GALNT17: variants seen among roughly 807,000 people sequenced by gnomAD.
GALNT17 encodes the protein polypeptide N-acetylgalactosaminyltransferase 17.
GALNT17 carries 29 observed loss-of-function variants against 63.7 expected under a neutral mutation model. That is an observed-to-expected ratio of 0.46 (90% CI 0.34 to 0.62). The LOEUF (loss-of-function observed/expected upper bound fraction) is 0.62. Ranked by LOEUF, GALNT17 falls within the 20% of genes least tolerant of loss-of-function variation. GALNT17 has a pLI of 0.01. For synonymous variants in GALNT17, 305 were observed against 318.3 expected (o/e 0.96, Z 0.45); for missense variants, 603 against 799.6 (o/e 0.75, Z 2.97).
intron 6 of GALNT17, among the ~76,000 whole-genome samples, chr7:71,627,089 T>G (rs2116981848): frequency 6.6e-6 from 1 of 152,334 alleles, no homozygotes. Context: ...TCATGGGTTG[T>G]CATAGGTCTT....
intron 2 of GALNT17, among the ~76,000 whole-genome samples, chr7:71,354,986 A>T (rs1792258576): frequency 6.6e-6 from 1 of 152,130 alleles, no homozygotes; most frequent in African/African-American, 2.4e-5. Context: ...TTGTATAGGG[A>T]TCTGCAAATG....
chr7:71,513,870 G>A (rs1043983492), intron 5 of GALNT17, among the ~76,000 whole-genome samples: 1 of 152,132 alleles, frequency 6.6e-6, no homozygotes, highest in African/African-American at 2.4e-5. Flanking sequence ...AGGTCTGGTT[G>A]GGAAAACAGA....
At position 71,139,714 on chromosome 7, in the gene GALNT17, C is replaced by T. The variant is rs930123168; in HGVS notation, c.238+6674C>T. On this transcript the variant is annotated intron_variant, in intron 1 of 10. Transcript: ENST00000333538. Reference sequence around the variant, plus strand: ...GAGTCAGAAAGAGAGGAATGGTGGCCGGGCACGGTGGCTCAAGCCTGTAAT... The same window carrying T: ...GAGTCAGAAAGAGAGGAATGGTGGCTGGGCACGGTGGCTCAAGCCTGTAAT... Among the ~76,000 whole-genome samples, 6 of 151,998 alleles carry T rather than the reference C, an allele frequency of 3.9e-5. No individual in the cohort carries two copies. In the South Asian group the frequency reaches 8.3e-4, roughly 21 times the overall value.
intron 1 of GALNT17, among the ~76,000 whole-genome samples, chr7:71,281,430 G>A (rs1790775363): frequency 6.6e-6 from 1 of 152,270 alleles, no homozygotes; most frequent in Non-Finnish European, 1.5e-5. Flanking sequence ...CCCATTTCCT[G>A]GAATCTGCAA....
intron 1 of GALNT17, chr7:71,300,700 A>G (rs1039202890): frequency 4.3e-5 from 11 of 256,228 alleles, no homozygotes; most frequent in South Asian, 2.5e-4. Flanking sequence ...GGAAGCAGAG[A>G]AAAGGGATTT....
chr7:71,568,851 T>C (rs766606187), intron 5 of GALNT17, among the ~76,000 whole-genome samples: 1 of 152,216 alleles, frequency 6.6e-6, no homozygotes, highest in Non-Finnish European at 1.5e-5. Context: ...TAATTTACAA[T>C]GCATGGTCCC....
chr7:71,267,576 T>C (rs935441085), intron 1 of GALNT17, among the ~76,000 whole-genome samples: 2 of 152,208 alleles, frequency 1.3e-5, no homozygotes, highest in Non-Finnish European at 2.9e-5. Flanking sequence ...TCGGTAAATA[T>C]CTGTTGCGCT....
chr7:71,585,680 T>C (rs1443248411), intron 6 of GALNT17, among the ~76,000 whole-genome samples: 1 of 152,094 alleles, frequency 6.6e-6, no homozygotes, highest in African/African-American at 2.4e-5. Context: ...TCATTATTCA[T>C]TTTTTGCCCA....
chr7:71,221,249 C>G (rs969430321), intron 1 of GALNT17, among the ~76,000 whole-genome samples: 33 of 152,304 alleles, frequency 2.2e-4, no homozygotes, highest in African/African-American at 7.5e-4. Context: ...CATGTTCCCA[C>G]AAAAGACAGG....
rs915303112 is a variant in GALNT17 at position 71,409,317 on chromosome 7, C to G, written c.590-6572C>G. ...CAGGGGGGTAAATGCTAAGCCAGAG[C>G]CACCCAATATGCACTTAGCAGACCA... On this transcript the variant is annotated intron_variant, in intron 3 of 10. Transcript: ENST00000333538. Among the ~76,000 whole-genome samples, 12 of 152,230 alleles carry G rather than the reference C, an allele frequency of 7.9e-5. No individual in the cohort carries two copies. In the East Asian group the frequency reaches 2.1e-3, roughly 27 times the overall value.
chr7:71,644,546 A>AAAAC (rs1554318998), intron 6 of GALNT17, among the ~76,000 whole-genome samples: 6,136 of 99,678 alleles, frequency 0.062, 110 homozygotes, highest in African/African-American at 0.079. Flanking sequence ...AAAAAAAAAA[A>AAAAC]AAACAAAAGA....
chr7:71,543,659 TTGTTATCTTACAAGCA>T (rs1788930133), intron 5 of GALNT17, among the ~76,000 whole-genome samples: 1 of 151,460 alleles, frequency 6.6e-6, no homozygotes, highest in African/African-American at 2.4e-5. Context: ...TCAGCCAGTT[TTGTTATCTTACAAGCA>T]GAGGGAGTTG....
At chr7:71,397,941 T>TTTG (rs111851668) in intron 3 of GALNT17, among the ~76,000 whole-genome samples, 5,349 of 150,772 alleles carry the variant, frequency 0.035, 205 homozygotes, top group African/African-American at 0.096. Flanking sequence ...CATTATTGTC[T>TTTG]TTGTTGTTGT....
chr7:71,436,364 A>C (rs1786963298), intron 5 of GALNT17, among the ~76,000 whole-genome samples: 3 of 152,072 alleles, frequency 2.0e-5, no homozygotes, highest in Admixed American at 6.6e-5. Flanking sequence ...AATGAAATAA[A>C]ATTTAAAAAT....
At chr7:71,349,673 G>A (rs1254064178) in intron 2 of GALNT17, among the ~76,000 whole-genome samples, 9 of 152,164 alleles carry the variant, frequency 5.9e-5, no homozygotes, top group Admixed American at 3.9e-4. Context: ...TTAAGTAGAT[G>A]TACTACAAGT....
chr7:71,695,596 G>A (rs1387519866), intron 9 of GALNT17, among the ~76,000 whole-genome samples: 2 of 152,164 alleles, frequency 1.3e-5, no homozygotes, highest in Admixed American at 1.3e-4. Context: ...TGCCAGGTGT[G>A]TGCACCTGTG....
intron 6 of GALNT17, among the ~76,000 whole-genome samples, chr7:71,622,588 T>C (rs1562713590): frequency 1.3e-5 from 2 of 152,146 alleles, no homozygotes; most frequent in South Asian, 2.1e-4. Context: ...TTTCTCTTTA[T>C]GTCACTTTAG....
intron 1 of GALNT17, among the ~76,000 whole-genome samples, chr7:71,251,974 C>T (rs2116491589): frequency 6.6e-6 from 1 of 152,242 alleles, no homozygotes; most frequent in Middle Eastern, 3.4e-3. Flanking sequence ...GTGTAAACTG[C>T]ACATTCAGCC....
intron 6 of GALNT17, among the ~76,000 whole-genome samples, chr7:71,592,295 G>A (rs115798887): frequency 2.0e-4 from 31 of 152,122 alleles, no homozygotes; most frequent in Admixed American, 3.9e-4. Context: ...TCTTTCTGGC[G>A]CCCACACTGT....
Sources: gnomAD v4.1 joint callset for allele counts (sites outside exome capture counted in the v4.1 genomes callset) on GRCh38, gnomAD v4.1.1 for gene constraint, MANE v1.5 for transcripts, NCBI Gene and HGNC (gene_info 2026-07-23, HGNC 2026-07-21) for gene names.